Variants in AP2A2 observed in about 807,000 individuals in gnomAD.
The protein encoded by AP2A2 is adaptor related protein complex 2 subunit alpha 2.
In AP2A2, 32 loss-of-function variants were observed where a neutral mutation model predicts 104.2. The observed-to-expected ratio is 0.31, with a 90% CI of 0.23 to 0.41. The LOEUF (loss-of-function observed/expected upper bound fraction) is 0.41, where lower values mean the gene tolerates loss of function less well. Ranked by LOEUF, AP2A2 falls within the 10% of genes least tolerant of loss-of-function variation. The pLI, the probability that AP2A2 is intolerant of heterozygous loss-of-function variation, is 1.00. For synonymous variants in AP2A2, 539 were observed against 533.3 expected (o/e 1.01, Z -0.15); for missense variants, 912 against 1,261.0 (o/e 0.72, Z 4.19).
At chr11:976,684 T>A (rs1342679675) in intron 4 of AP2A2, among the ~76,000 whole-genome samples, 1 of 147,862 alleles carries the variant, frequency 6.8e-6, no homozygotes, top group Non-Finnish European at 1.5e-5. Flanking sequence ...GGGTGGGGCG[T>A]GGTGGGGTGA....
At chr11:983,175 G>A (rs1039187559) in intron 6 of AP2A2, among the ~76,000 whole-genome samples, 10 of 150,564 alleles carry the variant, frequency 6.6e-5, no homozygotes, top group African/African-American at 1.7e-4. Flanking sequence ...TCGCCACCAC[G>A]CCCAGTTAAT....
Position 992,217 on chromosome 11 carries a change from G to A in AP2A2, c.1270-286G>A, listed in dbSNP as rs1261255028. Among the ~76,000 whole-genome samples the A allele has an allele frequency of 6.6e-6, 1 of 152,194 alleles. No individual in the cohort carries two copies. Among genetic ancestry groups the A allele is most frequent in the South Asian group, 2.1e-4 (1 of 4,826 alleles). On this transcript the variant is annotated intron_variant, in intron 10 of 21. Coordinates refer to ENST00000448903, the MANE Select transcript of AP2A2 (RefSeq NM_012305.4). The surrounding 1 kb of genome is among the most constrained non-coding windows in gnomAD (Gnocchi z 6.4). The stretch of plus-strand genomic sequence containing the variant: ...AGGAGTGCTGCCGCCAGGTGCTGGG[G>A]CTTTGGGAGAGAAGGGCCCAGGTGG...
At chr11:972,937 G>C (rs991213475) in intron 4 of AP2A2, among the ~76,000 whole-genome samples, 1 of 152,244 alleles carries the variant, frequency 6.6e-6, no homozygotes. Flanking sequence ...TCGGCCATCC[G>C]TTCCGTCCCT....
chr11:945,634 C>T (rs1355011925), intron 1 of AP2A2, among the ~76,000 whole-genome samples: 1 of 152,072 alleles, frequency 6.6e-6, no homozygotes, highest in Non-Finnish European at 1.5e-5. Context: ...CATCCAGCCT[C>T]ACTTTCTGTT....
At chr11:948,483 T>C (rs1853927898) in intron 1 of AP2A2, 1 of 152,190 alleles carries the variant, frequency 6.6e-6, no homozygotes, top group South Asian at 2.1e-4. Flanking sequence ...ATGGCCCTTG[T>C]GTGAGAATGA....
At chr11:941,119 C>G (rs1277182456) in intron 1 of AP2A2, among the ~76,000 whole-genome samples, 1 of 152,216 alleles carries the variant, frequency 6.6e-6, no homozygotes, top group African/African-American at 2.4e-5. Flanking sequence ...ATCTGCTGCT[C>G]TCTGTATAGA....
At chr11:948,823 C>T (rs558957564) in intron 1 of AP2A2, among the ~76,000 whole-genome samples, 1 of 149,630 alleles carries the variant, frequency 6.7e-6, no homozygotes. Context: ...GCCAAGATCG[C>T]ACCATTGCAT....
intron 1 of AP2A2, among the ~76,000 whole-genome samples, chr11:936,093 G>A (rs1264733260): frequency 6.8e-6 from 1 of 147,608 alleles, no homozygotes; most frequent in Non-Finnish European, 1.5e-5. Context: ...ATTTTTAGTA[G>A]AGATGGGGTT....
intron 1 of AP2A2, among the ~76,000 whole-genome samples, chr11:958,771 G>C (rs1478490496): frequency 6.6e-6 from 1 of 152,138 alleles, no homozygotes; most frequent in Admixed American, 6.6e-5. Flanking sequence ...ACCTTCCAAA[G>C]GTTCCATCTT....
rs751809815 is a variant in AP2A2 at position 972,040 on chromosome 11, TCTC to T, written c.280-19_280-17del. ...ACTTGGATTGTCATGAGCTTTCTCTTCTCCTGTCTTTTGGAACGCAGGGCTACC... is the reference window on the plus strand; with the variant it reads ...ACTTGGATTGTCATGAGCTTTCTCTTCTGTCTTTTGGAACGCAGGGCTACC... On this transcript the variant is annotated intron_variant, in intron 3 of 21. Coordinates refer to ENST00000448903, the MANE Select transcript of AP2A2 (RefSeq NM_012305.4). The T allele has an allele frequency of 6.2e-7, 1 of 1,601,176 alleles. No individual in the cohort carries two copies. Among genetic ancestry groups the T allele is most frequent in the Non-Finnish European group, 8.5e-7 (1 of 1,173,208 alleles).
rs757190222 is a variant in AP2A2, at chr11:935,603, G to GTTTTTTTTTTTTTTTTTTT, written c.67+9519_67+9537dup. Reference sequence around the variant, plus strand: ...AAGTGTGAGCCACTGTGCCCGGCCAGTTTTTTTTTTTTTTTTTTTTTTGAG... The same window carrying GTTTTTTTTTTTTTTTTTTT: ...AAGTGTGAGCCACTGTGCCCGGCCAGTTTTTTTTTTTTTTTTTTTTTTTTTTTTTTTTTTTTTTTTTGAG... On this transcript the variant is annotated intron_variant, in intron 1 of 21. Coordinates refer to ENST00000448903, the MANE Select transcript of AP2A2 (RefSeq NM_012305.4). 3.1e-3 allele frequency among the ~76,000 whole-genome samples: 244 copies of GTTTTTTTTTTTTTTTTTTT among 77,934 alleles called. 28 individuals carry two copies. Among genetic ancestry groups the GTTTTTTTTTTTTTTTTTTT allele is most frequent in the East Asian group, 7.8e-3 (13 of 1,660 alleles). The allele number at this position is 77,934 out of a possible 152,430, so 51.1% of individuals were successfully genotyped here. A position where few individuals can be genotyped will look rare whatever the true frequency, so the allele number is the denominator to read the frequency against.
At chr11:972,826 C>G (rs949966386) in intron 4 of AP2A2, among the ~76,000 whole-genome samples, 1 of 152,258 alleles carries the variant, frequency 6.6e-6, no homozygotes, top group Non-Finnish European at 1.5e-5. Context: ...GCTTCAGCCC[C>G]GCAGGGCACT....
chr11:1,002,831 T>C (rs1856070991), intron 15 of AP2A2, among the ~76,000 whole-genome samples: 1 of 152,250 alleles, frequency 6.6e-6, no homozygotes, highest in Non-Finnish European at 1.5e-5. Context: ...GAGGTGGAGA[T>C]TTCAGAATTA....
chr11:975,912 T>C (rs1366684247), intron 4 of AP2A2, among the ~76,000 whole-genome samples: 1 of 152,142 alleles, frequency 6.6e-6, no homozygotes, highest in Non-Finnish European at 1.5e-5. Context: ...TGATTTAGAC[T>C]GTGTTCTTCT....
chr11:1,000,172 A>C (rs1444508719), intron 14 of AP2A2, among the ~76,000 whole-genome samples: 1 of 152,136 alleles, frequency 6.6e-6, no homozygotes. Context: ...ATTTGTGAAA[A>C]AATGTAGGGT....
chr11:1,001,598 G>A (rs1266408428), intron 15 of AP2A2, among the ~76,000 whole-genome samples: 1 of 152,206 alleles, frequency 6.6e-6, no homozygotes, highest in Admixed American at 6.5e-5. Context: ...GGCCGGCGTG[G>A]TGGTGGGTGC....
In AP2A2 at chr11:995,511, C is replaced by A; in HGVS notation, c.1956+1266C>A. ...CAGTGGTGGCAACCAGTGCTGCTAC[C>A]CAGTATCGGCAGGGCTTTGTGGGGT... On this transcript the variant is annotated intron_variant, in intron 14 of 21. Coordinates refer to ENST00000448903, the MANE Select transcript of AP2A2 (RefSeq NM_012305.4). 6.7e-6 allele frequency: 3 copies of A among 450,092 alleles called. No individual in the cohort carries two copies. The Admixed American group carries it at 7.1e-5, about 11-fold the overall frequency. The allele number at this position is 450,092 out of a possible 1,614,324, so 27.9% of individuals were successfully genotyped here.
chr11:973,802 G>T (rs986810814), intron 4 of AP2A2, among the ~76,000 whole-genome samples: 18 of 152,308 alleles, frequency 1.2e-4, no homozygotes, highest in African/African-American at 4.1e-4. Flanking sequence ...TTGCTTGCCT[G>T]TTTATTACCT....
chr11:933,948 G>A (rs569947917), intron 1 of AP2A2, among the ~76,000 whole-genome samples: 4 of 152,136 alleles, frequency 2.6e-5, no homozygotes, highest in Non-Finnish European at 5.9e-5. Flanking sequence ...AATGGTTGGG[G>A]GTATCAAGGC....
Sources: gnomAD v4.1 joint callset for allele counts (sites outside exome capture counted in the v4.1 genomes callset) on GRCh38, gnomAD v4.1.1 for gene constraint, Gnocchi (gnomAD v3.1) non-coding constraint, MANE v1.5 for transcripts, NCBI Gene and HGNC (gene_info 2026-07-23, HGNC 2026-07-21) for gene names.